CIT: variants seen among roughly 807,000 people sequenced by gnomAD.
CIT encodes the protein citron rho-interacting serine/threonine kinase, also known as citron Rho-interacting kinase.
A neutral mutation model predicts 272.7 loss-of-function variants in CIT; 79 were observed. That is an observed-to-expected ratio of 0.29 (90% CI 0.24 to 0.35). The LOEUF (loss-of-function observed/expected upper bound fraction) is 0.35, where lower values mean the gene tolerates loss of function less well. CIT is among the 10% of genes least tolerant of loss of function. The pLI is 1.00. For synonymous variants in CIT, 948 were observed against 995.6 expected, an observed-to-expected ratio of 0.95 and a Z score of 0.90; for missense variants, 1,909 against 2,618.3, an observed-to-expected ratio of 0.73 and a Z score of 5.91.
At chr12:119,819,932 A>G (rs1200629008) in intron 9 of CIT, among the ~76,000 whole-genome samples, 7 of 152,236 alleles carry the variant, frequency 4.6e-5, no homozygotes, top group Admixed American at 4.6e-4. Context: ...GCTAGGAGAC[A>G]CTGAAGTTAA....
At chr12:119,708,467 G>A in intron 39 of CIT, 149 bp from the exon 40 acceptor site, 2 of 751,276 alleles carry the variant, frequency 2.7e-6, no homozygotes, top group South Asian at 1.0e-4. Context: ...ACACATTTTA[G>A]GTCCATGATT....
At chr12:119,753,738 A>G (rs937354807) in intron 22 of CIT, among the ~76,000 whole-genome samples, 2 of 147,964 alleles carry the variant, frequency 1.4e-5, no homozygotes, top group Non-Finnish European at 3.0e-5. Flanking sequence ...CTCTGCCTCA[A>G]AAAAAAAAAA....
chr12:119,712,709 G>T lies in CIT; in HGVS notation c.4580-14C>A. 1 of 1,607,440 alleles carries T rather than the reference G, an allele frequency of 6.2e-7. No homozygotes were observed. Among genetic ancestry groups the T allele is most frequent in the Non-Finnish European group, 8.5e-7 (1 of 1,174,074 alleles). On this transcript the variant is annotated splice_polypyrimidine_tract_variant and intron_variant, in intron 35 of 47. Coordinates refer to ENST00000392521, the MANE Select transcript of CIT (RefSeq NM_001206999.2). This position sits in a 1 kb window ranked among gnomAD's most constrained non-coding sequence, Gnocchi z 5.2. ...GCCTCTGTCCAGCTTGGTGCAAAGA[G>T]GAAGGGCAGAAAGAAAAACAAAAGA...
intron 10 of CIT, among the ~76,000 whole-genome samples, chr12:119,787,718 G>A (rs1436782846): frequency 9.5e-6 from 1 of 105,154 alleles, no homozygotes; most frequent in Non-Finnish European, 1.8e-5. Flanking sequence ...GCAACAGAGT[G>A]AGACTCCGTC....
chr12:119,861,357 G>C (rs905843641), intron 3 of CIT, among the ~76,000 whole-genome samples: 13 of 152,014 alleles, frequency 8.6e-5, no homozygotes, highest in Non-Finnish European at 2.9e-5. Flanking sequence ...AGGCTGAAGC[G>C]GGTGGATCAC....
intron 9 of CIT, among the ~76,000 whole-genome samples, chr12:119,817,144 T>C (rs776680664): frequency 1.6e-4 from 24 of 152,162 alleles, no homozygotes; most frequent in Non-Finnish European, 2.9e-4. Context: ...GGGAGAGTTA[T>C]AGGTTAGCAG....
intron 13 of CIT, among the ~76,000 whole-genome samples, chr12:119,780,412 T>C (rs1410776390): frequency 6.6e-6 from 1 of 151,642 alleles, no homozygotes. Flanking sequence ...AGGTCAGGAG[T>C]TCGAGACCAG....
intron 32 of CIT, among the ~76,000 whole-genome samples, chr12:119,715,132 T>A (rs1957388263): frequency 6.6e-6 from 1 of 152,234 alleles, no homozygotes. Context: ...TTGGTTCTTA[T>A]TCTCTTTTGT....
At chr12:119,799,186 C>A (rs569985982) in intron 10 of CIT, among the ~76,000 whole-genome samples, 67 of 152,216 alleles carry the variant, frequency 4.4e-4, no homozygotes, top group African/African-American at 1.6e-3. Flanking sequence ...ATTGCTGAGT[C>A]CTTTCCATAT....
chr12:119,690,304 G>A lies in CIT; in HGVS notation c.6033C>T (p.Asp2011=), dbSNP rs1042530265. Reference sequence around the variant, plus strand: ...GCTCCAGGGGGCGGCCAGGAGACTTGTCCCTGCGCAGCTCGGTCCGCCCCT... The same window carrying A: ...GCTCCAGGGGGCGGCCAGGAGACTTATCCCTGCGCAGCTCGGTCCGCCCCT... ...YREGRTELRR[D]KSPGRPLERE... is the part of the protein sequence containing the mutation. The change falls in exon 47 of 48, where the codon GAC becomes GAT. Residue 2011 remains aspartate, a synonymous_variant. Coordinates refer to ENST00000392521, the MANE Select transcript of CIT (RefSeq NM_001206999.2). This position sits in a 1 kb window ranked among gnomAD's most constrained non-coding sequence, Gnocchi z 6.0. The A allele has an allele frequency of 6.3e-7, 1 of 1,593,116 alleles. No individual in the cohort carries two copies. Among genetic ancestry groups the A allele is most frequent in the African/African-American group, 1.3e-5 (1 of 74,388 alleles).
At chr12:119,773,014 T>TAA (rs11437987) in intron 16 of CIT, 104 bp from the exon 17 acceptor site, 11,670 of 576,634 alleles carry the variant, frequency 0.02, 10 homozygotes, top group African/African-American at 0.026. Flanking sequence ...AAGTATAATC[T>TAA]AAAAAAAAAA....
At chr12:119,721,012 G>C (rs1251437384) in intron 29 of CIT, among the ~76,000 whole-genome samples, 1 of 152,100 alleles carries the variant, frequency 6.6e-6, no homozygotes, top group Non-Finnish European at 1.5e-5. Context: ...TGTTGCCCGG[G>C]CTGGAGTGCA....
At chr12:119,742,520 T>C in intron 23 of CIT, 56 bp from the exon 24 acceptor site, 3 of 1,317,966 alleles carry the variant, frequency 2.3e-6, no homozygotes, top group East Asian at 4.6e-5. Context: ...CAATTCTACA[T>C]GCTACGGGTC....
At position 119,713,365 on chromosome 12, in the gene CIT, G is replaced by T; in HGVS notation, c.4488-71C>A. ...AACATCCGGCTGGAGGATAGGATGA[G>T]GGGGTGGCAGAGTTCCTAGAAAAGA... On this transcript the variant is annotated intron_variant, in intron 34 of 47. Coordinates refer to ENST00000392521, the MANE Select transcript of CIT (RefSeq NM_001206999.2). This position sits in a 1 kb window ranked among gnomAD's most constrained non-coding sequence, Gnocchi z 5.2. The T allele has an allele frequency of 1.9e-6, 3 of 1,579,492 alleles. No homozygotes were observed. Among genetic ancestry groups the T allele is most frequent in the Non-Finnish European group, 2.6e-6 (3 of 1,151,894 alleles).
Position 119,766,997 on chromosome 12 carries a change from A to G in CIT, c.2304+90T>C, listed in dbSNP as rs544403556. 4.7e-6 allele frequency: 4 copies of G among 858,436 alleles called. No homozygotes were observed. The South Asian group carries it at 1.2e-4, about 27-fold the overall frequency. The allele number at this position is 858,436 out of a possible 1,614,324, so 53.2% of individuals were successfully genotyped here. ...TTCACCCCAAACAGTACTTTGGTCC[A>G]GCAAGAAATGGCCACAAGGGCCCAG... On this transcript the variant is annotated intron_variant, in intron 19 of 47. Coordinates refer to ENST00000392521, the MANE Select transcript of CIT (RefSeq NM_001206999.2).
In CIT at chr12:119,742,342, G is replaced by A. The variant is rs1351780107; in HGVS notation, c.2958+69C>T. 3 of 1,111,900 alleles carry A rather than the reference G, an allele frequency of 2.7e-6. No homozygotes were observed. In the African/African-American group the frequency reaches 4.8e-5, roughly 18 times the overall value. The allele number at this position is 1,111,900 out of a possible 1,614,324, so 68.9% of individuals were successfully genotyped here. A position where few individuals can be genotyped will look rare whatever the true frequency, so the allele number is the denominator to read the frequency against. On this transcript the variant is annotated intron_variant, in intron 24 of 47. Transcript: ENST00000392521. The stretch of plus-strand genomic sequence containing the variant: ...AACTCAGTCACCAATATTTTAAAGA[G>A]ACGTCCCCTTTTCCTCCTCTGTTTT...
At chr12:119,754,088 A>G (rs529810796) in intron 22 of CIT, among the ~76,000 whole-genome samples, 8 of 152,268 alleles carry the variant, frequency 5.3e-5, no homozygotes, top group Admixed American at 2.0e-4. Flanking sequence ...CACAGCAGCA[A>G]ATACGGTCCT....
At chr12:119,813,687 G>A (rs1966888396) in intron 9 of CIT, among the ~76,000 whole-genome samples, 1 of 152,164 alleles carries the variant, frequency 6.6e-6, no homozygotes, top group Admixed American at 6.6e-5. Context: ...CCCAAAAAAG[G>A]CATTAATTTA....
intron 19 of CIT, among the ~76,000 whole-genome samples, chr12:119,764,944 C>T (rs1219467323): frequency 1.2e-4 from 18 of 151,970 alleles, no homozygotes; most frequent in African/African-American, 4.1e-4. Flanking sequence ...GTAGCTGGGA[C>T]TACAGGTGCA....
Sources: allele counts gnomAD v4.1 joint callset (sites outside exome capture counted in the v4.1 genomes callset), GRCh38; gene constraint gnomAD v4.1.1; non-coding constraint Gnocchi (gnomAD v3.1); transcripts MANE v1.5; gene names NCBI Gene and HGNC (gene_info 2026-07-23, HGNC 2026-07-21).